Variants in CLRN3 observed in about 807,000 individuals in gnomAD.
The protein encoded by CLRN3 is clarin 3.
Under a neutral mutation model 16.7 loss-of-function variants are expected in CLRN3, and 12 were observed. The observed-to-expected ratio is 0.72, with a 90% CI of 0.46 to 1.16. CLRN3 has a LOEUF of 1.16. CLRN3 is among the 50% of genes most tolerant of loss of function. The pLI, the probability that CLRN3 is intolerant of heterozygous loss-of-function variation, is 0.00. For synonymous variants in CLRN3, 118 were observed against 113.0 expected (o/e 1.04, Z -0.28); for missense variants, 296 against 274.2 (o/e 1.08, Z -0.56).
intron 2 of CLRN3, among the ~76,000 whole-genome samples, chr10:127,882,658 A>G (rs1040100978): frequency 6.6e-6 from 1 of 152,168 alleles, no homozygotes; most frequent in Non-Finnish European, 1.5e-5. Flanking sequence ...ATGACACTCA[A>G]TGGAGGGACA....
In CLRN3 at chr10:127,892,798, T is replaced by C; in HGVS notation, c.-14A>G. On this transcript the variant is annotated 5_prime_UTR_variant, in exon 1 of 3. Coordinates refer to ENST00000368671, the MANE Select transcript of CLRN3 (RefSeq NM_152311.5). Reference sequence around the variant, plus strand: ...TGTGGTAGGCATTTTCACAGGAAAATAAGTTCTCTAGGACAAAAAAAGGAA... The same window carrying C: ...TGTGGTAGGCATTTTCACAGGAAAACAAGTTCTCTAGGACAAAAAAAGGAA... 1 of 1,502,218 alleles carries C rather than the reference T, an allele frequency of 6.7e-7. No homozygotes were observed. Among genetic ancestry groups the C allele is most frequent in the Non-Finnish European group, 9.2e-7 (1 of 1,082,640 alleles). The allele number at this position is 1,502,218 out of a possible 1,614,324, so 93.1% of individuals were successfully genotyped here. A position where few individuals can be genotyped will look rare whatever the true frequency, so the allele number is the denominator to read the frequency against.
intron 1 of CLRN3, among the ~76,000 whole-genome samples, chr10:127,890,356 C>A (rs1845245055): frequency 1.3e-5 from 2 of 152,178 alleles, no homozygotes; most frequent in Admixed American, 1.3e-4. Flanking sequence ...GATTTCCTTA[C>A]CAGGTCTGAA....
At chr10:127,887,137 GA>G (rs1355325731) in intron 1 of CLRN3, among the ~76,000 whole-genome samples, 1 of 151,962 alleles carries the variant, frequency 6.6e-6, no homozygotes, top group Non-Finnish European at 1.5e-5. Flanking sequence ...GAAAGTAATA[GA>G]GGGGGACACC....
intron 2 of CLRN3, among the ~76,000 whole-genome samples, chr10:127,883,202 G>A (rs565155393): frequency 6.6e-6 from 1 of 152,324 alleles, no homozygotes; most frequent in South Asian, 2.1e-4. Flanking sequence ...GAGATGTCAT[G>A]TGTGGAGACC....
chr10:127,878,354 T>C lies in CLRN3; in HGVS notation c.476A>G (p.Glu159Gly). ...ANTQSNQLSE[E>G]LFQMLYPATT... ...TGCCGGGTAAAGCATTTGGAACAAC[T>C]CTTCGGAGAGTTGGTTGGACTGCGT... The change falls in exon 3 of 3, where the codon GAG (glutamate) becomes GGG (glycine). Residue 159 changes from glutamate (E) to glycine (G), a missense_variant. By Grantham distance (98) the Glu-to-Gly change is moderately conservative. Coordinates refer to ENST00000368671, the MANE Select transcript of CLRN3 (RefSeq NM_152311.5). 6.2e-7 allele frequency: 1 copy of C among 1,614,184 alleles called. No homozygotes were observed. The highest frequency in any genetic ancestry group is 8.5e-7 in the Non-Finnish European group (1 of 1,180,030).
intron 2 of CLRN3, among the ~76,000 whole-genome samples, chr10:127,882,531 T>C (rs956112952): frequency 1.3e-5 from 2 of 152,222 alleles, no homozygotes; most frequent in African/African-American, 4.8e-5. Flanking sequence ...AGGGCTTTTT[T>C]CTCTTTTTGT....
rs577965367 is a variant in CLRN3 at position 127,889,300 on chromosome 10, C to T, written c.229+3256G>A. ...TCACACCACTGCACTCCAGACTGGG[C>T]GACAAAGCAAGACGCTGTCTCAAAA... On this transcript the variant is annotated intron_variant, in intron 1 of 2. Transcript: ENST00000368671. Among the ~76,000 whole-genome samples, 5 of 151,508 alleles carry T rather than the reference C, an allele frequency of 3.3e-5. No homozygotes were observed. In the East Asian group the frequency reaches 7.8e-4, roughly 24 times the overall value.
intron 2 of CLRN3, among the ~76,000 whole-genome samples, chr10:127,881,609 C>A (rs528884357): frequency 6.6e-6 from 1 of 152,338 alleles, no homozygotes; most frequent in East Asian, 1.9e-4. Context: ...CCAGGATGGG[C>A]AGGTAGCCTT....
In CLRN3 at chr10:127,892,872, A is replaced by C. The variant is rs1053054799; in HGVS notation, c.-88T>G. The C allele has an allele frequency of 6.6e-6, 5 of 756,564 alleles. No individual in the cohort carries two copies. The Admixed American group carries it at 1.1e-4, about 16-fold the overall frequency. The allele number at this position is 756,564 out of a possible 1,614,324, so 46.9% of individuals were successfully genotyped here. On this transcript the variant is annotated 5_prime_UTR_variant, in exon 1 of 3. Coordinates refer to ENST00000368671, the MANE Select transcript of CLRN3 (RefSeq NM_152311.5). Reference sequence around the variant, plus strand: ...CCTTATCTTTTGAAGTCTGGTATTTAGAAATGGAGTCTAACACTTTATTGT... The same window carrying C: ...CCTTATCTTTTGAAGTCTGGTATTTCGAAATGGAGTCTAACACTTTATTGT...
In CLRN3 at chr10:127,890,789, A is replaced by C. The variant is rs191128738; in HGVS notation, c.229+1767T>G. Among the ~76,000 whole-genome samples, 112 of 151,382 alleles carry C rather than the reference A, an allele frequency of 7.4e-4. 1 individual carries two copies. Among genetic ancestry groups the C allele is most frequent in the African/African-American group, 2.6e-3 (106 of 40,672 alleles). On this transcript the variant is annotated intron_variant, in intron 1 of 2. Transcript: ENST00000368671. The stretch of plus-strand genomic sequence containing the variant: ...AGCATCCCGGGATCGTTAGCAGCTG[A>C]ACACCGCAAGTTGAAGATTTCAGTA...
At chr10:127,882,415 C>T (rs765184149) in intron 2 of CLRN3, among the ~76,000 whole-genome samples, 1 of 152,224 alleles carries the variant, frequency 6.6e-6, no homozygotes, top group Non-Finnish European at 1.5e-5. Flanking sequence ...ACCGTCCTAC[C>T]TGTGCTGTGC....
At chr10:127,886,231 G>A (rs1403185218) in intron 1 of CLRN3, among the ~76,000 whole-genome samples, 2 of 152,226 alleles carry the variant, frequency 1.3e-5, no homozygotes, top group African/African-American at 4.8e-5. Flanking sequence ...CCTTGGACAG[G>A]AGGACGTCAT....
intron 2 of CLRN3, among the ~76,000 whole-genome samples, chr10:127,880,412 G>C (rs1227953106): frequency 2.0e-5 from 3 of 152,230 alleles, no homozygotes; most frequent in African/African-American, 7.2e-5. Context: ...ATAGGGGCTG[G>C]AGGAAGCCCC....
At chr10:127,880,265 G>A (rs1390252982) in intron 2 of CLRN3, among the ~76,000 whole-genome samples, 1 of 151,930 alleles carries the variant, frequency 6.6e-6, no homozygotes, top group Non-Finnish European at 1.5e-5. Context: ...TTTCCAGAGC[G>A]GGCTGCCTAG....
At chr10:127,879,403 T>C (rs1845099744) in intron 2 of CLRN3, among the ~76,000 whole-genome samples, 2 of 152,166 alleles carry the variant, frequency 1.3e-5, no homozygotes, top group Admixed American at 1.3e-4. Context: ...CTAAAGAACA[T>C]TCTTCAGTAT....
In CLRN3 at chr10:127,885,688, C is replaced by A. The variant is rs142304264; in HGVS notation, c.230-1813G>T. Among the ~76,000 whole-genome samples, 528 of 152,318 alleles carry A rather than the reference C, an allele frequency of 3.5e-3. 12 individuals carry two copies. In the East Asian group the frequency reaches 0.037, roughly 11 times the overall value. ...ATCTCCCGAGTTCAAGCAAAGAATCCTCCTGCCTCAGCCTCCGGAGTAGCT... is the reference window on the plus strand; with the variant it reads ...ATCTCCCGAGTTCAAGCAAAGAATCATCCTGCCTCAGCCTCCGGAGTAGCT... On this transcript the variant is annotated intron_variant, in intron 1 of 2. Transcript: ENST00000368671.
At chr10:127,882,765 A>G (rs10830191) in intron 2 of CLRN3, among the ~76,000 whole-genome samples, 95,019 of 152,102 alleles carry the variant, frequency 0.62, 32,640 homozygotes, top group South Asian at 0.76. Context: ...CCTGTGTTAA[A>G]ATGCGTCACC....
chr10:127,887,113 C>T (rs1226015849), intron 1 of CLRN3, among the ~76,000 whole-genome samples: 3 of 152,108 alleles, frequency 2.0e-5, no homozygotes, highest in Admixed American at 6.5e-5. Context: ...TACAATTTAG[C>T]ACACACTTGT....
chr10:127,886,766 G>A (rs754810091), intron 1 of CLRN3, among the ~76,000 whole-genome samples: 2 of 152,250 alleles, frequency 1.3e-5, no homozygotes, highest in Non-Finnish European at 2.9e-5. Flanking sequence ...TGGGGACTGT[G>A]AGCAAAGTCC....
Sources: allele counts gnomAD v4.1 joint callset (sites outside exome capture counted in the v4.1 genomes callset), GRCh38; gene constraint gnomAD v4.1.1; transcripts MANE v1.5; gene names NCBI Gene and HGNC (gene_info 2026-07-23, HGNC 2026-07-21).